DGKH: variants seen among roughly 807,000 people sequenced by gnomAD.
The protein encoded by DGKH is diacylglycerol kinase eta.
DGKH carries 90 observed loss-of-function variants against 159.3 expected under a neutral mutation model. That is an observed-to-expected ratio of 0.57 (90% CI 0.48 to 0.67). The LOEUF (loss-of-function observed/expected upper bound fraction) is 0.67. DGKH is among the 30% of genes least tolerant of loss of function. The pLI is 0.00. For synonymous variants in DGKH, 536 were observed against 553.8 expected, an observed-to-expected ratio of 0.97 and a Z score of 0.45; for missense variants, 1,181 against 1,506.1, an observed-to-expected ratio of 0.78 and a Z score of 3.57.
rs140806044 is a variant in DGKH, at chr13:42,083,939, A to G, written c.192+34974A>G. Among the ~76,000 whole-genome samples the G allele has an allele frequency of 5.7e-3, 874 of 152,360 alleles. 3 individuals are homozygous for G. The highest frequency in any genetic ancestry group is 8.6e-3 in the Non-Finnish European group (582 of 68,028). ...AAGCATGAACGACACGGGGATGGGCAGCATTCCTGCCCGTCTCTACCTGGA... is the reference window on the plus strand; with the variant it reads ...AAGCATGAACGACACGGGGATGGGCGGCATTCCTGCCCGTCTCTACCTGGA... On this transcript the variant is annotated intron_variant, in intron 1 of 29. Coordinates refer to ENST00000337343, the MANE Select transcript of DGKH (RefSeq NM_178009.5).
At chr13:42,117,089 T>C (rs1220009365) in intron 1 of DGKH, among the ~76,000 whole-genome samples, 2 of 152,214 alleles carry the variant, frequency 1.3e-5, no homozygotes, top group African/African-American at 2.4e-5. Context: ...TACAAATGTT[T>C]CTAAGCCCTT....
chr13:42,189,608 T>G (rs551498453), intron 15 of DGKH, among the ~76,000 whole-genome samples: 1 of 152,306 alleles, frequency 6.6e-6, no homozygotes, highest in South Asian at 2.1e-4. Flanking sequence ...TATAGTTTAC[T>G]TAATTGGAAT....
rs186282099 is a variant in DGKH, at chr13:42,077,991, A to G, written c.192+29026A>G. Reference sequence around the variant, plus strand: ...ATGAATGGAAAAGTAAAAAGAAGATAATAGTCTTTCATAGTCCCACCATCC... The same window carrying G: ...ATGAATGGAAAAGTAAAAAGAAGATGATAGTCTTTCATAGTCCCACCATCC... On this transcript the variant is annotated intron_variant, in intron 1 of 29. Coordinates refer to ENST00000337343, the MANE Select transcript of DGKH (RefSeq NM_178009.5). 2.4e-3 allele frequency among the ~76,000 whole-genome samples: 363 copies of G among 152,342 alleles called. 2 individuals carry two copies. Among genetic ancestry groups the G allele is most frequent in the African/African-American group, 8.3e-3 (345 of 41,562 alleles).
intron 17 of DGKH, among the ~76,000 whole-genome samples, chr13:42,197,252 CA>C (rs71703387): frequency 0.49 from 42,177 of 86,338 alleles, 10,529 homozygotes; most frequent in African/African-American, 0.66. Flanking sequence ...TCTATCTCAA[CA>C]AAAAAAAAAA....
intron 3 of DGKH, among the ~76,000 whole-genome samples, chr13:42,145,993 T>TAA (rs1356632448): frequency 6.6e-6 from 1 of 152,154 alleles, no homozygotes; most frequent in Non-Finnish European, 1.5e-5. Context: ...ATTCCGCCAG[T>TAA]AAAGGGTGCT....
At chr13:42,080,975 A>G (rs1406017301) in intron 1 of DGKH, among the ~76,000 whole-genome samples, 1 of 152,216 alleles carries the variant, frequency 6.6e-6, no homozygotes, top group Non-Finnish European at 1.5e-5. Flanking sequence ...AGCCCAGCCC[A>G]GCCAGTAAGT....
At chr13:42,172,071 G>A (rs563658378) in intron 11 of DGKH, among the ~76,000 whole-genome samples, 134 of 151,228 alleles carry the variant, frequency 8.9e-4, no homozygotes, top group African/African-American at 2.8e-3. Context: ...CTCGTGATCC[G>A]CCCGCCTCGG....
chr13:42,189,154 C>T lies in DGKH; in HGVS notation c.1757C>T (p.Ser586Leu), dbSNP rs557531076. The change falls in exon 15 of 30, where the codon TCG becomes TTG. Residue 586 changes from serine (S) to leucine (L), a missense_variant. Physicochemically the swap from Ser to Leu is moderately radical, Grantham distance 145 (BLOSUM62 -2). This residue lies in a region of DGKH where 257 missense variants were observed against 281.5 expected (regional missense o/e 0.91). Coordinates refer to ENST00000337343, the MANE Select transcript of DGKH (RefSeq NM_178009.5). ...ATTGTGGAAGAAGATGCTGTGGAAT[C>T]GTCCAGTGAAGAGTCCCTGGGTGAA... ...PLIVEEDAVE[S>L]SSEESLGESK... The T allele has an allele frequency of 5.6e-6, 9 of 1,614,250 alleles. No homozygotes were observed. Among genetic ancestry groups the T allele is most frequent in the East Asian group, 2.2e-5 (1 of 44,892 alleles).
Position 42,235,286 on chromosome 13 carries a change from G to GA in DGKH, c.*6103dup, listed in dbSNP as rs1958390527. ...TTTATGCACTTCCAAGTTTTAGTTG[G>GA]AAAAATGAAAACCAAGCTACTACTT... is the stretch of plus-strand genomic sequence containing the variant. On this transcript the variant is annotated 3_prime_UTR_variant, in exon 30 of 30. Coordinates refer to ENST00000337343, the MANE Select transcript of DGKH (RefSeq NM_178009.5). 1 of 151,946 alleles carries GA rather than the reference G, an allele frequency of 6.6e-6. No individual in the cohort carries two copies. The highest frequency in any genetic ancestry group is 2.4e-5 in the African/African-American group (1 of 41,372). The allele number at this position is 151,946 out of a possible 1,614,324, so 9.4% of individuals were successfully genotyped here.
intron 26 of DGKH, among the ~76,000 whole-genome samples, chr13:42,218,502 C>CTTTTTTTTTTTTTTTTTTTTTTTT (rs56173082): frequency 1.1e-5 from 1 of 88,326 alleles, no homozygotes; most frequent in African/African-American, 4.3e-5. Context: ...CATGTGGTGA[C>CTTTTTTTTTTTTTTTTTTTTTTTT]TTTTTTTTTT....
chr13:42,124,139 T>C (rs1328113560), intron 1 of DGKH, among the ~76,000 whole-genome samples: 1 of 152,162 alleles, frequency 6.6e-6, no homozygotes, highest in Non-Finnish European at 1.5e-5. Flanking sequence ...CAGGGGTAAA[T>C]TCTCAAGATA....
chr13:42,254,405 C>A (rs2138341591), intron 30 of DGKH, among the ~76,000 whole-genome samples: 1 of 152,046 alleles, frequency 6.6e-6, no homozygotes, highest in East Asian at 1.9e-4. Context: ...AGGCAGATCA[C>A]CTGATCACCT....
intron 1 of DGKH, among the ~76,000 whole-genome samples, chr13:42,099,527 T>G (rs949246762): frequency 6.6e-6 from 1 of 152,170 alleles, no homozygotes; most frequent in Non-Finnish European, 1.5e-5. Flanking sequence ...TATTTGGGCA[T>G]AGTTCAGTGT....
intron 21 of DGKH, among the ~76,000 whole-genome samples, chr13:42,207,062 CTTCTTTCT>C (rs760771890): frequency 3.1e-5 from 2 of 65,378 alleles, no homozygotes; most frequent in African/African-American, 1.4e-4. Context: ...TCTTTCCTTC[CTTCTTTCT>C]TTCTTTCTTT....
Position 42,242,004 on chromosome 13 carries a change from C to A in DGKH, c.*12816C>A, listed in dbSNP as rs772949245. On this transcript the variant is annotated 3_prime_UTR_variant, in exon 30 of 30. Transcript: ENST00000337343. Reference sequence around the variant, plus strand: ...GGCATATTTTGAAGTCATTGTTTTCCATCAGTATTAAGTATCATCCATTTC... The same window carrying A: ...GGCATATTTTGAAGTCATTGTTTTCAATCAGTATTAAGTATCATCCATTTC... 6.6e-6 allele frequency: 1 copy of A among 152,082 alleles called. No homozygotes were observed. Among genetic ancestry groups the A allele is most frequent in the Non-Finnish European group, 1.5e-5 (1 of 68,012 alleles). 9.4% of individuals were successfully genotyped at this position (152,082 alleles called of 1,614,324 possible).
At chr13:42,134,347 C>A (rs1205306146) in intron 3 of DGKH, among the ~76,000 whole-genome samples, 1 of 152,214 alleles carries the variant, frequency 6.6e-6, no homozygotes, top group Non-Finnish European at 1.5e-5. Flanking sequence ...AACCTACACA[C>A]AGTAAGATTA....
chr13:42,116,289 T>C (rs1007610816), intron 1 of DGKH, among the ~76,000 whole-genome samples: 1 of 151,932 alleles, frequency 6.6e-6, no homozygotes, highest in Non-Finnish European at 1.5e-5. Flanking sequence ...CAAAGAAAAA[T>C]TGTTTGAGAG....
rs955450531 is a variant in DGKH at position 42,232,882 on chromosome 13, G to A, written c.*3694G>A. On this transcript the variant is annotated 3_prime_UTR_variant, in exon 30 of 30. Coordinates refer to ENST00000337343, the MANE Select transcript of DGKH (RefSeq NM_178009.5). ...AATGGCACAAGCCTGTAATTCCGGT[G>A]ACTCAGGAGGCTTAGGAGGGAAGAT... 1.3e-5 allele frequency: 2 copies of A among 152,222 alleles called. No individual in the cohort carries two copies. Among genetic ancestry groups the A allele is most frequent in the Admixed American group, 6.5e-5 (1 of 15,280 alleles). The allele number at this position is 152,222 out of a possible 1,614,324, so 9.4% of individuals were successfully genotyped here.
chr13:42,075,853 C>T (rs79738935), intron 1 of DGKH, among the ~76,000 whole-genome samples: 2,304 of 152,296 alleles, frequency 0.015, 62 homozygotes, highest in African/African-American at 0.05. Context: ...TACCTAATTC[C>T]ATCCTTGATT....
Sources: gnomAD v4.1 joint callset for allele counts (sites outside exome capture counted in the v4.1 genomes callset) on GRCh38, gnomAD v4.1.1 for gene constraint, gnomAD v4.1.1 regional missense constraint, MANE v1.5 for transcripts, NCBI Gene and HGNC (gene_info 2026-07-23, HGNC 2026-07-21) for gene names.